Variants in FBXL7 observed in about 807,000 individuals in gnomAD.
FBXL7 encodes the protein F-box and leucine rich repeat protein 7.
FBXL7 carries 12 observed loss-of-function variants against 38.3 expected under a neutral mutation model. That is an observed-to-expected ratio of 0.31 (90% CI 0.20 to 0.51). FBXL7 has a LOEUF of 0.51. Ranked by LOEUF, FBXL7 falls within the 20% of genes least tolerant of loss-of-function variation. The probability of loss-of-function intolerance (pLI) is 0.98; values close to 1 mark genes in which losing one functional copy is unlikely to be tolerated. For missense variants in FBXL7, 567 were observed against 676.4 expected (o/e 0.84, Z 1.79); for synonymous variants, 297 against 300.9 (o/e 0.99, Z 0.13).
At chr5:15,550,117 G>T (rs1015122259) in intron 1 of FBXL7, among the ~76,000 whole-genome samples, 3 of 152,166 alleles carry the variant, frequency 2.0e-5, no homozygotes, top group East Asian at 3.8e-4. Context: ...ATTCTCCCAG[G>T]TTACACTTTT....
intron 2 of FBXL7, among the ~76,000 whole-genome samples, chr5:15,731,398 G>A (rs982584528): frequency 1.3e-5 from 2 of 152,032 alleles, no homozygotes; most frequent in Admixed American, 1.3e-4. Flanking sequence ...AAAACCATCC[G>A]ATCTCCTGAG....
intron 1 of FBXL7, among the ~76,000 whole-genome samples, chr5:15,504,055 C>A (rs1736575402): frequency 6.6e-6 from 1 of 152,214 alleles, no homozygotes; most frequent in Non-Finnish European, 1.5e-5. Flanking sequence ...CACCTGGGAG[C>A]TTGTCAAAAA....
chr5:15,739,345 A>C (rs377503049), intron 2 of FBXL7, among the ~76,000 whole-genome samples: 2 of 152,126 alleles, frequency 1.3e-5, no homozygotes, highest in South Asian at 4.1e-4. Flanking sequence ...CCTCAACCAG[A>C]TATTAAGCTA....
At chr5:15,934,196 G>A (rs902499414) in intron 3 of FBXL7, among the ~76,000 whole-genome samples, 1 of 152,054 alleles carries the variant, frequency 6.6e-6, no homozygotes, top group African/African-American at 2.4e-5. Flanking sequence ...GTAGAGACGG[G>A]GTTTTGCCAT....
At chr5:15,521,203 G>T (rs1737088743) in intron 1 of FBXL7, among the ~76,000 whole-genome samples, 1 of 152,226 alleles carries the variant, frequency 6.6e-6, no homozygotes, top group African/African-American at 2.4e-5. Context: ...GTTGTCGGGG[G>T]GTGAAATGAA....
At chr5:15,571,139 T>C (rs1561032577) in intron 1 of FBXL7, among the ~76,000 whole-genome samples, 1 of 152,002 alleles carries the variant, frequency 6.6e-6, no homozygotes. Flanking sequence ...ATGTCAATGT[T>C]TGAGCAGCTA....
chr5:15,692,027 G>A (rs1029683425), intron 2 of FBXL7, among the ~76,000 whole-genome samples: 11 of 152,154 alleles, frequency 7.2e-5, no homozygotes, highest in Non-Finnish European at 1.2e-4. Context: ...CTGAGCGTCT[G>A]CTGTGGATAT....
At chr5:15,660,787 A>G (rs1476578465) in intron 2 of FBXL7, among the ~76,000 whole-genome samples, 2 of 152,220 alleles carry the variant, frequency 1.3e-5, no homozygotes, top group Non-Finnish European at 2.9e-5. Context: ...ATGAGGTTAT[A>G]TTTATGACAT....
intron 1 of FBXL7, among the ~76,000 whole-genome samples, chr5:15,593,032 G>A (rs1252609231): frequency 2.0e-5 from 3 of 152,172 alleles, no homozygotes; most frequent in Non-Finnish European, 4.4e-5. Context: ...GCAGTAAAAC[G>A]ATTCTCCTGA....
chr5:15,888,307 A>C (rs1740764420), intron 2 of FBXL7, among the ~76,000 whole-genome samples: 1 of 151,840 alleles, frequency 6.6e-6, no homozygotes, highest in African/African-American at 2.4e-5. Flanking sequence ...GGCTCACTGC[A>C]ACCTCTGCCT....
intron 1 of FBXL7, among the ~76,000 whole-genome samples, chr5:15,603,370 T>C (rs1739869369): frequency 6.6e-6 from 1 of 152,244 alleles, no homozygotes; most frequent in African/African-American, 2.4e-5. Flanking sequence ...AATTTACTTA[T>C]TTACTTCATT....
At chr5:15,720,976 G>C (rs985215534) in intron 2 of FBXL7, among the ~76,000 whole-genome samples, 4 of 151,956 alleles carry the variant, frequency 2.6e-5, no homozygotes, top group African/African-American at 9.7e-5. Context: ...TATATTCATA[G>C]TACAACTTAC....
chr5:15,925,172 T>C (rs555826792), intron 2 of FBXL7, among the ~76,000 whole-genome samples: 55 of 152,308 alleles, frequency 3.6e-4, no homozygotes, highest in African/African-American at 1.2e-3. Context: ...TGTCTTGAAT[T>C]GAATGGTAAT....
chr5:15,677,830 T>C (rs1426285213), intron 2 of FBXL7, among the ~76,000 whole-genome samples: 1 of 152,178 alleles, frequency 6.6e-6, no homozygotes, highest in Non-Finnish European at 1.5e-5. Context: ...AGGATAGTGG[T>C]AAATTGTGAA....
intron 2 of FBXL7, among the ~76,000 whole-genome samples, chr5:15,735,092 C>T (rs538120700): frequency 2.4e-4 from 37 of 152,218 alleles, no homozygotes; most frequent in African/African-American, 4.8e-4. Context: ...CCACCATGCC[C>T]GGCTAATTTT....
chr5:15,530,768 T>A (rs1737398608), intron 1 of FBXL7, among the ~76,000 whole-genome samples: 1 of 152,334 alleles, frequency 6.6e-6, no homozygotes, highest in African/African-American at 2.4e-5. Flanking sequence ...TAAACAATGA[T>A]GTGTGACAAC....
chr5:15,688,969 G>A (rs375812609), intron 2 of FBXL7, among the ~76,000 whole-genome samples: 2 of 152,124 alleles, frequency 1.3e-5, no homozygotes, highest in Non-Finnish European at 2.9e-5. Context: ...CAGAAAGAAA[G>A]GTCCTTTCCA....
At chr5:15,561,662 C>A (rs1420223803) in intron 1 of FBXL7, among the ~76,000 whole-genome samples, 1 of 151,908 alleles carries the variant, frequency 6.6e-6, no homozygotes, top group African/African-American at 2.4e-5. Flanking sequence ...GTGGCTGCAC[C>A]AATCTGTATT....
At chr5:15,862,089 G>T (rs1739499519) in intron 2 of FBXL7, among the ~76,000 whole-genome samples, 19 of 152,124 alleles carry the variant, frequency 1.2e-4, no homozygotes, top group Admixed American at 1.2e-3. Context: ...CCTTAATGTG[G>T]TTTGACTGTG....
Sources: allele counts gnomAD v4.1 joint callset (sites outside exome capture counted in the v4.1 genomes callset), GRCh38; gene constraint gnomAD v4.1.1; transcripts MANE v1.5; gene names NCBI Gene and HGNC (gene_info 2026-07-23, HGNC 2026-07-21).